Variants in FNDC1 observed in about 807,000 individuals in gnomAD.
The protein encoded by FNDC1 is fibronectin type III domain containing 1, also known as fibronectin type III domain-containing protein 1.
Under a neutral mutation model 168.0 loss-of-function variants are expected in FNDC1, and 96 were observed. The ratio of observed to expected loss-of-function variants is 0.57; its 90% CI spans 0.48 to 0.68. The LOEUF is 0.68. Ranked by LOEUF, FNDC1 falls within the 30% of genes least tolerant of loss-of-function variation. The pLI is 0.00. For synonymous variants in FNDC1, 1,099 were observed against 1,025.9 expected, an observed-to-expected ratio of 1.07 and a Z score of -1.36; for missense variants, 2,587 against 2,482.1, an observed-to-expected ratio of 1.04 and a Z score of -0.90.
chr6:159,209,128 TG>T (rs1782546793), intron 4 of FNDC1, among the ~76,000 whole-genome samples: 1 of 152,232 alleles, frequency 6.6e-6, no homozygotes, highest in South Asian at 2.1e-4. Flanking sequence ...ATTACAGCCG[TG>T]AGCCACCATG....
In FNDC1 at chr6:159,271,456, A is replaced by G; in HGVS notation, c.*14A>G. ...GGAAAGTGGTAATCACAGGACCGTC[A>G]TGCTGCAAGCTTGCCCTGCCCAGCC... On this transcript the variant is annotated 3_prime_UTR_variant, in exon 23 of 23. Transcript: ENST00000297267. 1 of 1,585,462 alleles carries G rather than the reference A, an allele frequency of 6.3e-7. No homozygotes were observed. The highest frequency in any genetic ancestry group is 8.6e-7 in the Non-Finnish European group (1 of 1,161,468).
Position 159,197,463 on chromosome 6 carries a change from C to G in FNDC1, c.142C>G (p.Leu48Val). Reference sequence around the variant, plus strand: ...CCCACTGAAGCCAAGGCATGTGAAACTGCTGTCCACTAAAATGGGCCTGAA... The same window carrying G: ...CCCACTGAAGCCAAGGCATGTGAAAGTGCTGTCCACTAAAATGGGCCTGAA... The part of the protein sequence containing the change: ...DHPLKPRHVK[L>V]LSTKMGLKVT... The change falls in exon 2 of 23, where the codon CTG (leucine) becomes GTG (valine). Residue 48 changes from leucine (L) to valine (V), a missense_variant. Physicochemically the swap from Leu to Val is conservative, Grantham distance 32. Coordinates refer to ENST00000297267, the MANE Select transcript of FNDC1 (RefSeq NM_032532.3). 1 of 1,613,702 alleles carries G rather than the reference C, an allele frequency of 6.2e-7. No homozygotes were observed. The highest frequency in any genetic ancestry group is 1.3e-5 in the African/African-American group (1 of 75,054).
chr6:159,182,972 C>T (rs192540059), intron 1 of FNDC1, among the ~76,000 whole-genome samples: 24 of 152,272 alleles, frequency 1.6e-4, no homozygotes, highest in East Asian at 3.9e-4. Flanking sequence ...CTGCTGTGTG[C>T]GGAGGGAGAA....
intron 1 of FNDC1, among the ~76,000 whole-genome samples, chr6:159,191,041 G>A (rs1782127176): frequency 6.6e-6 from 1 of 152,206 alleles, no homozygotes; most frequent in Non-Finnish European, 1.5e-5. Flanking sequence ...TTGGCGGAAA[G>A]CAAAGGGGAA....
At chr6:159,271,277 G>A (rs1318945787) in intron 22 of FNDC1, 50 bp from the exon 23 acceptor site, 1 of 1,306,038 alleles carries the variant, frequency 7.7e-7, no homozygotes, top group African/African-American at 1.5e-5. Flanking sequence ...AGTTCTACCT[G>A]TTGGTTCAGG....
intron 15 of FNDC1, among the ~76,000 whole-genome samples, chr6:159,247,771 G>A (rs1043918641): frequency 6.6e-6 from 1 of 152,118 alleles, no homozygotes; most frequent in South Asian, 2.1e-4. Flanking sequence ...TTAAGGTTAA[G>A]AATACAAAGT....
chr6:159,269,669 C>T (rs1017887169), intron 22 of FNDC1, among the ~76,000 whole-genome samples: 1 of 151,124 alleles, frequency 6.6e-6, no homozygotes, highest in Non-Finnish European at 1.5e-5. Flanking sequence ...TTTAAAGAAC[C>T]GTCTCACACA....
chr6:159,268,058 A>G (rs372423805), intron 22 of FNDC1, 132 bp downstream of exon 22: 20 of 916,838 alleles, frequency 2.2e-5, no homozygotes, highest in African/African-American at 1.5e-4. Flanking sequence ...TTAAGGTCAT[A>G]AAAATAAATA....
chr6:159,230,489 C>T (rs1281000955), intron 10 of FNDC1, among the ~76,000 whole-genome samples: 1 of 152,178 alleles, frequency 6.6e-6, no homozygotes, highest in Non-Finnish European at 1.5e-5. Flanking sequence ...CACCATGATG[C>T]AGTATATTCA....
intron 5 of FNDC1, among the ~76,000 whole-genome samples, chr6:159,220,766 C>T (rs1005297421): frequency 5.3e-5 from 8 of 152,296 alleles, no homozygotes; most frequent in East Asian, 1.9e-4. Context: ...TACCCAAATC[C>T]GTGCAGACTC....
At position 159,239,737 on chromosome 6, in the gene FNDC1, G is replaced by A; in HGVS notation, c.4401G>A (p.Arg1467=). The change falls in exon 14 of 23, where the codon AGG becomes AGA. Residue 1467 remains arginine (R), a synonymous_variant. Coordinates refer to ENST00000297267, the MANE Select transcript of FNDC1 (RefSeq NM_032532.3). ...TTPLPTTTTP[R]PTTATTRRTT... is the part of the protein sequence containing the mutation. ...CCCTGCCTACCACTACAACCCCGAGGCCCACCACTGCCACCACCCGCCGCA... is the reference window on the plus strand; with the variant it reads ...CCCTGCCTACCACTACAACCCCGAGACCCACCACTGCCACCACCCGCCGCA... 1 of 1,546,362 alleles carries A rather than the reference G, an allele frequency of 6.5e-7. No individual in the cohort carries two copies. Among genetic ancestry groups the A allele is most frequent in the Non-Finnish European group, 8.7e-7 (1 of 1,144,464 alleles).
intron 1 of FNDC1, among the ~76,000 whole-genome samples, chr6:159,180,503 A>C (rs1428045294): frequency 6.6e-6 from 1 of 152,062 alleles, no homozygotes; most frequent in Middle Eastern, 3.2e-3. Flanking sequence ...TCCAGGGTAC[A>C]TGTGCAGGAT....
intron 18 of FNDC1, among the ~76,000 whole-genome samples, chr6:159,257,671 G>C (rs921364112): frequency 3.3e-5 from 5 of 152,166 alleles, no homozygotes; most frequent in African/African-American, 9.7e-5. Context: ...AAAGGCTACT[G>C]AATGAGCTGT....
At chr6:159,222,984 ATTTTTTTTTTTTT>A (rs201310702) in intron 6 of FNDC1, among the ~76,000 whole-genome samples, 1 of 116,772 alleles carries the variant, frequency 8.6e-6, no homozygotes, top group Non-Finnish European at 2.0e-5. Flanking sequence ...TGAAATACTC[ATTTTTTTTTTTTT>A]TTTTTTTTTT....
chr6:159,269,249 CCATCTAT>C (rs1777666939), intron 22 of FNDC1, among the ~76,000 whole-genome samples: 1 of 103,866 alleles, frequency 9.6e-6, no homozygotes. Flanking sequence ...ATCTATCTAT[CCATCTAT>C]CATCTATCTA....
chr6:159,252,715 T>C (rs1219959838), intron 17 of FNDC1, among the ~76,000 whole-genome samples: 2 of 152,226 alleles, frequency 1.3e-5, no homozygotes, highest in African/African-American at 2.4e-5. Flanking sequence ...AAAATCTTTT[T>C]ATTAATTGAA....
At chr6:159,227,553 A>T (rs1215034350) in intron 9 of FNDC1, among the ~76,000 whole-genome samples, 7 of 151,980 alleles carry the variant, frequency 4.6e-5, no homozygotes, top group Admixed American at 3.3e-4. Context: ...GAATAATAGA[A>T]GTTAAGGAAG....
chr6:159,242,598 T>G (rs1196072979), intron 14 of FNDC1, among the ~76,000 whole-genome samples: 1 of 152,244 alleles, frequency 6.6e-6, no homozygotes, highest in Non-Finnish European at 1.5e-5. Context: ...TAGTGGATGT[T>G]AATATATTTA....
chr6:159,219,676 A>G (rs1272900717), intron 5 of FNDC1, among the ~76,000 whole-genome samples: 2 of 152,120 alleles, frequency 1.3e-5, no homozygotes, highest in Admixed American at 6.5e-5. Flanking sequence ...TTTCTTAATG[A>G]TAAACTTGGG....
Sources: allele counts gnomAD v4.1 joint callset (sites outside exome capture counted in the v4.1 genomes callset), GRCh38; gene constraint gnomAD v4.1.1; transcripts MANE v1.5; gene names NCBI Gene and HGNC (gene_info 2026-07-23, HGNC 2026-07-21).